The following MCC variants were observed in gnomAD, a reference collection of about 807,000 sequenced individuals.
MCC encodes the protein colorectal mutant cancer protein.
A neutral mutation model predicts 116.2 loss-of-function variants in MCC; 90 were observed. The ratio of observed to expected loss-of-function variants is 0.77; its 90% CI spans 0.65 to 0.92. The LOEUF is 0.92. Ranked by LOEUF, MCC falls within the 40% of genes least tolerant of loss-of-function variation. MCC has a pLI of 0.00. For missense variants in MCC, 1,516 were observed against 1,312.2 expected, an observed-to-expected ratio of 1.16 and a Z score of -2.40; for synonymous variants, 578 against 510.5, an observed-to-expected ratio of 1.13 and a Z score of -1.78.
At chr5:113,071,337 G>A in intron 11 of MCC, 103 bp from the exon 12 acceptor site, 1 of 1,224,336 alleles carries the variant, frequency 8.2e-7, no homozygotes, top group Non-Finnish European at 1.2e-6. Context: ...GTGAGGATGT[G>A]GGCCTGTCAG....
intron 1 of MCC, among the ~76,000 whole-genome samples, chr5:113,445,708 A>G (rs1561576973): frequency 6.6e-6 from 1 of 152,046 alleles, no homozygotes; most frequent in African/African-American, 2.4e-5. Flanking sequence ...ATCAAACACC[A>G]AACTATCAAT....
chr5:113,309,264 G>A (rs779553868), intron 3 of MCC, among the ~76,000 whole-genome samples: 1 of 152,186 alleles, frequency 6.6e-6, no homozygotes, highest in African/African-American at 2.4e-5. Context: ...ATAATGTGGA[G>A]TCTGGACTTT....
chr5:113,093,685 C>G (rs535727762), intron 8 of MCC, among the ~76,000 whole-genome samples: 1 of 151,934 alleles, frequency 6.6e-6, no homozygotes, highest in African/African-American at 2.4e-5. Flanking sequence ...GTCAGCTATG[C>G]GGATGCTTCA....
chr5:113,343,647 C>A (rs1343798567), intron 2 of MCC, among the ~76,000 whole-genome samples: 1 of 152,210 alleles, frequency 6.6e-6, no homozygotes, highest in Non-Finnish European at 1.5e-5. Context: ...ACAGTACTCT[C>A]AGCACCGTGC....
chr5:113,150,589 AAAAG>A (rs202004020), intron 4 of MCC, among the ~76,000 whole-genome samples: 6,416 of 152,200 alleles, frequency 0.042, 220 homozygotes, highest in East Asian at 0.11. Flanking sequence ...TGGAAGGCAA[AAAAG>A]AAAGGCTAAA....
At chr5:113,482,209 T>C (rs1003916281) in intron 1 of MCC, among the ~76,000 whole-genome samples, 4 of 152,232 alleles carry the variant, frequency 2.6e-5, no homozygotes, top group African/African-American at 9.6e-5. Flanking sequence ...ATAAACAATG[T>C]TGTTATGAAC....
At chr5:113,048,267 C>T (rs1464699506) in intron 16 of MCC, among the ~76,000 whole-genome samples, 1 of 152,148 alleles carries the variant, frequency 6.6e-6, no homozygotes. Context: ...CAAGGTCAAC[C>T]ATGGTCTGAA....
chr5:113,118,937 C>A (rs3922563), intron 6 of MCC, among the ~76,000 whole-genome samples: 73,684 of 151,996 alleles, frequency 0.48, 20,459 homozygotes, highest in East Asian at 0.71. Flanking sequence ...TCCGACCCCA[C>A]TCAGTTCCCA....
At chr5:113,094,682 A>C (rs148605401) in intron 8 of MCC, among the ~76,000 whole-genome samples, 74 of 152,220 alleles carry the variant, frequency 4.9e-4, no homozygotes, top group Non-Finnish European at 1.0e-3. Context: ...AGCCTCCCAA[A>C]GTGCTGGGAT....
chr5:113,370,865 ATT>A (rs1768821474), intron 2 of MCC, among the ~76,000 whole-genome samples: 1 of 152,182 alleles, frequency 6.6e-6, no homozygotes, highest in Non-Finnish European at 1.5e-5. Context: ...AAATTCTAAG[ATT>A]TTATTAATAT....
chr5:113,281,842 C>G (rs1766058128), intron 3 of MCC, among the ~76,000 whole-genome samples: 1 of 152,186 alleles, frequency 6.6e-6, no homozygotes, highest in Admixed American at 6.5e-5. Context: ...TGAGTGCTCA[C>G]AAATATAGCT....
chr5:113,240,837 G>A (rs2150338925), intron 3 of MCC, among the ~76,000 whole-genome samples: 1 of 152,322 alleles, frequency 6.6e-6, no homozygotes, highest in East Asian at 1.9e-4. Context: ...CAGAGGAGCT[G>A]AGAACACCTT....
chr5:113,115,252 C>T (rs748857623), intron 6 of MCC, among the ~76,000 whole-genome samples: 7 of 152,190 alleles, frequency 4.6e-5, no homozygotes, highest in African/African-American at 1.2e-4. Context: ...ACCCCTGTCA[C>T]GAGGCCTGAG....
chr5:113,315,634 G>C (rs548495296), intron 3 of MCC, among the ~76,000 whole-genome samples: 1 of 145,774 alleles, frequency 6.9e-6, no homozygotes, highest in Admixed American at 7.2e-5. Flanking sequence ...TCAGGAAGCT[G>C]AAGGAGGAGG....
chr5:113,200,333 T>G (rs1762622124), intron 3 of MCC, among the ~76,000 whole-genome samples: 1 of 152,120 alleles, frequency 6.6e-6, no homozygotes, highest in Non-Finnish European at 1.5e-5. Flanking sequence ...CAGGTACAGT[T>G]TGTTCAATGA....
chr5:113,253,319 A>G (rs1043078701), intron 3 of MCC, among the ~76,000 whole-genome samples: 2 of 152,142 alleles, frequency 1.3e-5, no homozygotes, highest in African/African-American at 2.4e-5. Flanking sequence ...TCACCAGCCT[A>G]TCAGGGTGGT....
chr5:113,445,522 G>C (rs26987), intron 1 of MCC, among the ~76,000 whole-genome samples: 59,490 of 151,838 alleles, frequency 0.39, 14,151 homozygotes, highest in East Asian at 0.69. Flanking sequence ...AAATAAAATA[G>C]GAATACATCT....
At chr5:113,210,125 G>A (rs1169093787) in intron 3 of MCC, among the ~76,000 whole-genome samples, 4 of 152,110 alleles carry the variant, frequency 2.6e-5, no homozygotes, top group African/African-American at 9.7e-5. Context: ...ATTAGCACAG[G>A]GATAAAGTAG....
intron 6 of MCC, chr5:113,104,568 T>C (rs544977545): frequency 1.4e-5 from 6 of 422,270 alleles, no homozygotes; most frequent in Non-Finnish European, 2.5e-5. Context: ...ATGGTCATTT[T>C]CTGAATTCTC....
Sources: gnomAD v4.1 joint callset for allele counts (sites outside exome capture counted in the v4.1 genomes callset) on GRCh38, gnomAD v4.1.1 for gene constraint, MANE v1.5 for transcripts, NCBI Gene and HGNC (gene_info 2026-07-23, HGNC 2026-07-21) for gene names.